The following PBX3 variants were observed in gnomAD, a reference collection of about 807,000 sequenced individuals.
PBX3 encodes pre-B-cell leukemia transcription factor 3.
In PBX3, 14 loss-of-function variants were observed where a neutral mutation model predicts 48.5. The ratio of observed to expected loss-of-function variants is 0.29; its 90% CI spans 0.19 to 0.45. The LOEUF is 0.45. PBX3 is among the 20% of genes least tolerant of loss of function. PBX3 has a pLI of 1.00. For synonymous variants in PBX3, 210 were observed against 200.3 expected, an observed-to-expected ratio of 1.05 and a Z score of -0.41; for missense variants, 386 against 546.7, an observed-to-expected ratio of 0.71 and a Z score of 2.93.
chr9:125,777,010 C>CTTTTTTTTTTTTT (rs1299800849), intron 2 of PBX3, among the ~76,000 whole-genome samples: 1 of 94,348 alleles, frequency 1.1e-5, no homozygotes. Flanking sequence ...TTTTTCTTTT[C>CTTTTTTTTTTTTT]TTTTCTTTTT....
rs76654412 is a variant in PBX3, at chr9:125,790,793, C to G, written c.274+42170C>G. Reference sequence around the variant, plus strand: ...TGTTGCCCGGACTGGTCTTGAACTTCTGGCCTGGAGTGATCCTCTCAAAGT... The same window carrying G: ...TGTTGCCCGGACTGGTCTTGAACTTGTGGCCTGGAGTGATCCTCTCAAAGT... On this transcript the variant is annotated intron_variant, in intron 2 of 8. Transcript: ENST00000373489. Among the ~76,000 whole-genome samples the G allele has an allele frequency of 4.7e-3, 708 of 152,114 alleles. 9 individuals are homozygous for G. The highest frequency in any genetic ancestry group is 0.016 in the African/African-American group (658 of 41,476).
At chr9:125,874,645 T>C (rs10986998) in intron 2 of PBX3, among the ~76,000 whole-genome samples, 9,082 of 152,266 alleles carry the variant, frequency 0.06, 631 homozygotes, top group East Asian at 0.17. Context: ...GATTATTCAC[T>C]AAGATAGAAT....
intron 5 of PBX3, among the ~76,000 whole-genome samples, chr9:125,949,896 G>A (rs768502480): frequency 6.6e-6 from 1 of 152,146 alleles, no homozygotes; most frequent in Non-Finnish European, 1.5e-5. Flanking sequence ...TCTGGGATGC[G>A]GCTGTGTTGC....
rs565517805 is a variant in PBX3, at chr9:125,753,542, AT to A, written c.274+4926del. ...GAGACATTTTCCAATCCTGTTCTTT[AT>A]TTTTTTCTTCCCAATAAAAATGTAT... On this transcript the variant is annotated intron_variant, in intron 2 of 8. Transcript: ENST00000373489. Among the ~76,000 whole-genome samples, 495 of 151,972 alleles carry A rather than the reference AT, an allele frequency of 3.3e-3. 1 individual carries two copies. The highest frequency in any genetic ancestry group is 0.011 in the African/African-American group (447 of 41,492).
intron 2 of PBX3, among the ~76,000 whole-genome samples, chr9:125,838,950 A>C (rs1381312494): frequency 6.6e-6 from 1 of 152,214 alleles, no homozygotes. Flanking sequence ...AAGGTAGAGG[A>C]AAAAGTGAAG....
In PBX3 at chr9:125,747,397, C is replaced by T. The variant is rs1836214981; in HGVS notation, c.-57C>T. Reference sequence around the variant, plus strand: ...TCTCCTCCCTCGTCGCCGCCGCCGCCGCCGCCGCCTCAGCCTTCGCCTCAG... The same window carrying T: ...TCTCCTCCCTCGTCGCCGCCGCCGCTGCCGCCGCCTCAGCCTTCGCCTCAG... On this transcript the variant is annotated 5_prime_UTR_variant, in exon 1 of 9. Transcript: ENST00000373489. 8.4e-7 allele frequency: 1 copy of T among 1,191,556 alleles called. No homozygotes were observed. Among genetic ancestry groups the T allele is most frequent in the Non-Finnish European group, 1.1e-6 (1 of 917,420 alleles). The allele number at this position is 1,191,556 out of a possible 1,614,324, so 73.8% of individuals were successfully genotyped here.
Position 125,863,581 on chromosome 9 carries a change from T to C in PBX3, c.275-52105T>C, listed in dbSNP as rs547200634. ...TTTTCAGTAAGTATAGTAGATACTTTCTAAGAGTTAAGAAACATTGTACCC... is the reference window on the plus strand; with the variant it reads ...TTTTCAGTAAGTATAGTAGATACTTCCTAAGAGTTAAGAAACATTGTACCC... On this transcript the variant is annotated intron_variant, in intron 2 of 8. Transcript: ENST00000373489. Among the ~76,000 whole-genome samples, 334 of 152,244 alleles carry C rather than the reference T, an allele frequency of 2.2e-3. 2 individuals carry two copies. Among genetic ancestry groups the C allele is most frequent in the African/African-American group, 7.6e-3 (317 of 41,500 alleles).
chr9:125,910,988 C>T (rs1841191585), intron 2 of PBX3, among the ~76,000 whole-genome samples: 1 of 151,912 alleles, frequency 6.6e-6, no homozygotes, highest in Non-Finnish European at 1.5e-5. Flanking sequence ...ACTTAAGGGT[C>T]TGCCTTTCCT....
At chr9:125,763,161 G>A (rs984226839) in intron 2 of PBX3, among the ~76,000 whole-genome samples, 2 of 152,186 alleles carry the variant, frequency 1.3e-5, no homozygotes, top group South Asian at 4.1e-4. Context: ...TTTGAGAAAA[G>A]CAATAGCTTT....
chr9:125,778,570 G>A (rs986676386), intron 2 of PBX3, among the ~76,000 whole-genome samples: 7 of 147,704 alleles, frequency 4.7e-5, no homozygotes, highest in African/African-American at 1.7e-4. Context: ...TTTTTCCTTC[G>A]TGTAGCTAAA....
At chr9:125,950,235 A>G (rs1842164534) in intron 5 of PBX3, among the ~76,000 whole-genome samples, 1 of 152,240 alleles carries the variant, frequency 6.6e-6, no homozygotes, top group Admixed American at 6.5e-5. Flanking sequence ...TGTGAATGTC[A>G]TGAGCAGTTA....
At chr9:125,942,660 G>T (rs1452848603) in intron 5 of PBX3, among the ~76,000 whole-genome samples, 3 of 152,288 alleles carry the variant, frequency 2.0e-5, no homozygotes, top group Non-Finnish European at 4.4e-5. Flanking sequence ...TATGCAGTTG[G>T]TAAACCAGAA....
chr9:125,832,066 A>T (rs1324366973), intron 2 of PBX3, among the ~76,000 whole-genome samples: 4 of 152,246 alleles, frequency 2.6e-5, no homozygotes, highest in Non-Finnish European at 5.9e-5. Context: ...ATGTAAGATT[A>T]CAGGGTTTCA....
intron 2 of PBX3, chr9:125,844,498 T>C (rs1395965054): frequency 2.0e-5 from 3 of 152,116 alleles, no homozygotes; most frequent in Non-Finnish European, 2.9e-5. Context: ...TATGCTTAAA[T>C]ATTACAGGTG....
At chr9:125,795,398 TTAGGAA>T (rs1256903084) in intron 2 of PBX3, among the ~76,000 whole-genome samples, 5 of 152,220 alleles carry the variant, frequency 3.3e-5, no homozygotes, top group Admixed American at 1.3e-4. Flanking sequence ...GATTCAGAAT[TTAGGAA>T]AAGAGGTTCT....
At chr9:125,786,082 T>C (rs1837449962) in intron 2 of PBX3, among the ~76,000 whole-genome samples, 2 of 152,190 alleles carry the variant, frequency 1.3e-5, no homozygotes, top group South Asian at 4.1e-4. Flanking sequence ...TTGGTCTACC[T>C]ACTCCATTTC....
chr9:125,893,439 A>C (rs752774161), intron 2 of PBX3, among the ~76,000 whole-genome samples: 1 of 152,188 alleles, frequency 6.6e-6, no homozygotes, highest in Non-Finnish European at 1.5e-5. Flanking sequence ...TTGGAGTACT[A>C]CTGGGCTGTG....
At chr9:125,768,756 C>A (rs905286386) in intron 2 of PBX3, among the ~76,000 whole-genome samples, 2 of 152,166 alleles carry the variant, frequency 1.3e-5, no homozygotes, top group African/African-American at 4.8e-5. Flanking sequence ...AGAGTATTAC[C>A]ACCAAACTTA....
At chr9:125,837,213 G>C (rs1285538210) in intron 2 of PBX3, among the ~76,000 whole-genome samples, 1 of 152,010 alleles carries the variant, frequency 6.6e-6, no homozygotes, top group East Asian at 1.9e-4. Flanking sequence ...ATGAAGCTCT[G>C]TATGCACTAA....
Sources: allele counts gnomAD v4.1 joint callset (sites outside exome capture counted in the v4.1 genomes callset), GRCh38; gene constraint gnomAD v4.1.1; transcripts MANE v1.5; gene names NCBI Gene and HGNC (gene_info 2026-07-23, HGNC 2026-07-21).